Variants in PPARGC1A observed in about 807,000 individuals in gnomAD.
The protein encoded by PPARGC1A is PPARG coactivator 1 alpha.
In PPARGC1A, 25 loss-of-function variants were observed where a neutral mutation model predicts 88.7. The observed-to-expected ratio is 0.28, with a 90% CI of 0.21 to 0.39. PPARGC1A has a LOEUF of 0.39. PPARGC1A is among the 10% of genes least tolerant of loss of function. The pLI, the probability that PPARGC1A is intolerant of heterozygous loss-of-function variation, is 1.00. For missense variants in PPARGC1A, 880 were observed against 968.7 expected (o/e 0.91, Z 1.22); for synonymous variants, 363 against 355.6 (o/e 1.02, Z -0.24).
At chr4:24,466,821 G>A in the PPARGC1A span, among the ~76,000 whole-genome samples, 1 of 142,192 alleles carries the variant, frequency 7.0e-6, no homozygotes, top group Non-Finnish European at 1.5e-5. Context: ...GGCTGAGACA[G>A]GAGAATTGCT....
the PPARGC1A span, among the ~76,000 whole-genome samples, chr4:24,294,552 A>G: frequency 6.6e-6 from 1 of 152,176 alleles, no homozygotes; most frequent in African/African-American, 2.4e-5. Flanking sequence ...ATTAGTTACC[A>G]AGAAAGCCTA....
chr4:24,058,334 C>A, the PPARGC1A span, among the ~76,000 whole-genome samples: 1 of 152,174 alleles, frequency 6.6e-6, no homozygotes, highest in Admixed American at 6.5e-5. Flanking sequence ...TCATTTCTGT[C>A]TTGGATTATG....
the PPARGC1A span, among the ~76,000 whole-genome samples, chr4:24,344,548 C>G: frequency 6.6e-6 from 1 of 151,072 alleles, no homozygotes; most frequent in South Asian, 2.1e-4. Flanking sequence ...TGTATATCTT[C>G]TTTTGAAAAT....
intron 10 of PPARGC1A, among the ~76,000 whole-genome samples, chr4:23,809,951 A>G (rs1448192253): frequency 1.3e-5 from 2 of 152,126 alleles, no homozygotes; most frequent in Non-Finnish European, 2.9e-5. Flanking sequence ...ACCCCTTATA[A>G]TAGCACTTAT....
the PPARGC1A span, among the ~76,000 whole-genome samples, chr4:24,382,578 C>T: frequency 1.6e-3 from 251 of 152,292 alleles, no homozygotes; most frequent in African/African-American, 5.8e-3. Flanking sequence ...CATCTGTAGG[C>T]TCGGAAGCCC....
At chr4:23,831,087 CAAAAT>C (rs890754953) in intron 3 of PPARGC1A, among the ~76,000 whole-genome samples, 2 of 151,934 alleles carry the variant, frequency 1.3e-5, no homozygotes, top group African/African-American at 4.8e-5. Flanking sequence ...TAAAAGATTG[CAAAAT>C]AAATTAGAAT....
At chr4:24,422,223 T>C in the PPARGC1A span, among the ~76,000 whole-genome samples, 1 of 152,214 alleles carries the variant, frequency 6.6e-6, no homozygotes, top group Non-Finnish European at 1.5e-5. Flanking sequence ...ATAGTTGCAA[T>C]AGAGACCATG....
intron 2 of PPARGC1A, chr4:23,884,187 A>T (rs1191233645): frequency 6.6e-6 from 1 of 152,224 alleles, no homozygotes; most frequent in Non-Finnish European, 1.5e-5. Flanking sequence ...ACTGAAAAGT[A>T]AATGAATTTT....
the PPARGC1A span, among the ~76,000 whole-genome samples, chr4:24,300,287 TCCTCC>T: frequency 3.3e-5 from 5 of 150,260 alleles, no homozygotes; most frequent in African/African-American, 1.2e-4. Flanking sequence ...GGGTTTTTTT[TCCTCC>T]TTTAAGCAAT....
the PPARGC1A span, among the ~76,000 whole-genome samples, chr4:24,123,498 A>G: frequency 6.6e-6 from 1 of 152,132 alleles, no homozygotes; most frequent in African/African-American, 2.4e-5. Context: ...TAAGGCAGAA[A>G]ATAAGCATAG....
At chr4:23,801,615 T>C in intron 12 of PPARGC1A, 115 bp downstream of exon 12, 1 of 1,151,150 alleles carries the variant, frequency 8.7e-7, no homozygotes, top group Non-Finnish European at 1.2e-6. Flanking sequence ...TATTCAAACA[T>C]TCCCTTTAGT....
chr4:24,019,606 T>C, the PPARGC1A span, among the ~76,000 whole-genome samples: 1 of 152,212 alleles, frequency 6.6e-6, no homozygotes, highest in Non-Finnish European at 1.5e-5. Flanking sequence ...GGGTTGAGTT[T>C]TCCCAGCACT....
chr4:24,308,226 A>C, the PPARGC1A span, among the ~76,000 whole-genome samples: 1 of 130,108 alleles, frequency 7.7e-6, no homozygotes, highest in African/African-American at 2.9e-5. Flanking sequence ...TGGGAGGTGG[A>C]GGTTGCAGTG....
chr4:24,233,936 T>A, the PPARGC1A span, among the ~76,000 whole-genome samples: 3 of 152,216 alleles, frequency 2.0e-5, no homozygotes, highest in Non-Finnish European at 4.4e-5. Flanking sequence ...ATTGGGCACG[T>A]AATTCAGAAA....
Position 23,889,977 on chromosome 4 carries a change from A to T in PPARGC1A, c.-20T>A, listed in dbSNP as rs576446869. 7.2e-5 allele frequency: 116 copies of T among 1,613,688 alleles called. 3 individuals are homozygous for T. The highest frequency in any genetic ancestry group is 6.9e-4 in the South Asian group (63 of 91,046). On this transcript the variant is annotated 5_prime_UTR_variant, in exon 1 of 13. Transcript: ENST00000264867. ...CGCCATCCAGCTCCTGAATGACGCCAGTCAAGCTTTTTCAACTCCAATCCA... is the reference window on the plus strand; with the variant it reads ...CGCCATCCAGCTCCTGAATGACGCCTGTCAAGCTTTTTCAACTCCAATCCA...
the PPARGC1A span, among the ~76,000 whole-genome samples, chr4:23,933,929 C>T: frequency 2.0e-5 from 3 of 152,178 alleles, no homozygotes; most frequent in Non-Finnish European, 4.4e-5. Flanking sequence ...CTGTGTGTCT[C>T]CCAATATCCT....
At chr4:23,943,382 T>G in the PPARGC1A span, among the ~76,000 whole-genome samples, 2 of 1,108 alleles carry the variant, frequency 1.8e-3, no homozygotes, top group Non-Finnish European at 0.012. Flanking sequence ...ATTAAAAGGT[T>G]TTTTTTTTTT....
At chr4:24,398,408 A>C in the PPARGC1A span, among the ~76,000 whole-genome samples, 1 of 152,160 alleles carries the variant, frequency 6.6e-6, no homozygotes, top group African/African-American at 2.4e-5. Flanking sequence ...TTTCAATTTT[A>C]ATAATTCTAT....
the PPARGC1A span, among the ~76,000 whole-genome samples, chr4:24,123,693 T>C: frequency 6.6e-6 from 1 of 152,094 alleles, no homozygotes; most frequent in Non-Finnish European, 1.5e-5. Context: ...AGATGCAATT[T>C]TTTTAGCCTG....
Sources: gnomAD v4.1 joint callset for allele counts (sites outside exome capture counted in the v4.1 genomes callset) on GRCh38, gnomAD v4.1.1 for gene constraint, MANE v1.5 for transcripts, NCBI Gene and HGNC (gene_info 2026-07-23, HGNC 2026-07-21) for gene names.